Variants in AKNAD1 observed in about 807,000 individuals in gnomAD.
AKNAD1 encodes the protein AKNA domain containing 1.
A neutral mutation model predicts 90.8 loss-of-function variants in AKNAD1; 67 were observed. That is an observed-to-expected ratio of 0.74 (90% confidence interval 0.61 to 0.90). AKNAD1 has a LOEUF of 0.90. Among genes scored for constraint, AKNAD1 ranks in the 40% least tolerant of loss-of-function variants. The pLI, the probability that AKNAD1 is intolerant of heterozygous loss-of-function variation, is 0.00. For missense variants in AKNAD1, 957 were observed against 975.4 expected, an observed-to-expected ratio of 0.98 and a Z score of 0.25; for synonymous variants, 327 against 341.4, an observed-to-expected ratio of 0.96 and a Z score of 0.46.
intron 5 of AKNAD1, among the ~76,000 whole-genome samples, chr1:108,844,094 G>A (rs1015628287): frequency 2.0e-5 from 3 of 152,204 alleles, no homozygotes; most frequent in Non-Finnish European, 4.4e-5. Flanking sequence ...CAGGCACAGT[G>A]GCTCATGCCT....
intron 15 of AKNAD1, among the ~76,000 whole-genome samples, chr1:108,816,545 A>C (rs1663607732): frequency 6.6e-6 from 1 of 152,156 alleles, no homozygotes; most frequent in African/African-American, 2.4e-5. Context: ...TCAGAGGGTG[A>C]GGTCAGCCGC....
intron 11 of AKNAD1, 105 bp from the exon 12 acceptor site, chr1:108,823,793 A>C: frequency 2.6e-6 from 4 of 1,537,198 alleles, no homozygotes; most frequent in Non-Finnish European, 3.5e-6. Flanking sequence ...TGTGTTTGGC[A>C]CCAAAGTGCT....
chr1:108,852,912 T>A, intron 1 of AKNAD1, 145 bp from the exon 2 acceptor site: 1 of 338,236 alleles, frequency 3.0e-6, no homozygotes, highest in Non-Finnish European at 5.2e-6. Context: ...TGACCCAACC[T>A]CAATCCACAC....
chr1:108,831,840 G>A (rs562832155), intron 9 of AKNAD1, among the ~76,000 whole-genome samples: 14 of 151,990 alleles, frequency 9.2e-5, no homozygotes, highest in Non-Finnish European at 1.9e-4. Context: ...TGGCCGGGCT[G>A]GTCTTGAGCT....
rs143433407 is a variant in AKNAD1 at position 108,830,574 on chromosome 1, C to A, written c.1823G>T (p.Arg608Leu). ...AAGCCCTCACCATTCAAGGAGCCTGCGACAGAAGGCACAGCTCGGACTGGG... is the reference window on the plus strand; with the variant it reads ...AAGCCCTCACCATTCAAGGAGCCTGAGACAGAAGGCACAGCTCGGACTGGG... ...TAPSPSCAFC[R>L]RLLEWKQNVE... Residue 608 changes from arginine to leucine, a missense_variant, in exon 10 of 16, where the codon CGC becomes CTC. By Grantham distance (102) the Arg-to-Leu change is moderately radical. Transcript: ENST00000370001. 10 of 1,613,896 alleles carry A rather than the reference C, an allele frequency of 6.2e-6. No individual in the cohort carries two copies. The highest frequency in any genetic ancestry group is 8.5e-6 in the Non-Finnish European group (10 of 1,180,024).
chr1:108,848,978 T>C lies in AKNAD1; in HGVS notation c.1116A>G (p.Gln372=), dbSNP rs1461041264. 1.2e-6 allele frequency: 2 copies of C among 1,611,364 alleles called. No individual in the cohort carries two copies. Among genetic ancestry groups the C allele is most frequent in the East Asian group, 4.5e-5 (2 of 44,838 alleles). ...ACATCTGTTTCCCTTGGGATATCTT[T>C]TGAAATATGTAAGAAGAACTTGAGG... The part of the protein sequence containing the change: ...GTSSSSSYIF[Q]KISQGKQMCQ... The change falls in exon 4 of 16, where the codon CAA becomes CAG. Residue 372 remains glutamine, a synonymous_variant. Coordinates refer to ENST00000370001, the MANE Select transcript of AKNAD1 (RefSeq NM_152763.5).
intron 6 of AKNAD1, among the ~76,000 whole-genome samples, chr1:108,842,102 C>A (rs921674537): frequency 2.6e-5 from 4 of 151,814 alleles, no homozygotes; most frequent in Non-Finnish European, 5.9e-5. Flanking sequence ...CCTCTCCCCC[C>A]AAAAAAAGCC....
chr1:108,827,449 C>T (rs1664040712), intron 10 of AKNAD1, 147 bp from the exon 11 acceptor site: 1 of 613,348 alleles, frequency 1.6e-6, no homozygotes, highest in Non-Finnish European at 2.9e-6. Flanking sequence ...ACAGAGCTCT[C>T]CTCTGCCTGC....
At chr1:108,851,632 G>A in intron 2 of AKNAD1, 40 bp downstream of exon 2, 1 of 1,511,258 alleles carries the variant, frequency 6.6e-7, no homozygotes, top group Non-Finnish European at 8.8e-7. Context: ...GATAAGCAGT[G>A]GTCCCAATTA....
chr1:108,824,098 C>G (rs886863491), intron 11 of AKNAD1, among the ~76,000 whole-genome samples: 3 of 152,302 alleles, frequency 2.0e-5, no homozygotes, highest in Admixed American at 2.0e-4. Context: ...TTTTGTCATC[C>G]AGACAACTGG....
Position 108,848,896 on chromosome 1 carries a change from G to A in AKNAD1, c.1182+16C>T, listed in dbSNP as rs752574132. 6.3e-7 allele frequency: 1 copy of A among 1,599,210 alleles called. No individual in the cohort carries two copies. Among genetic ancestry groups the A allele is most frequent in the Non-Finnish European group, 8.5e-7 (1 of 1,175,480 alleles). ...TGGTTACTTATATTGTTTATAATAA[G>A]CTTTAAAAGTATTACTTTAGTCTTC... On this transcript the variant is annotated intron_variant, in intron 4 of 15. Transcript: ENST00000370001.
chr1:108,818,887 T>C (rs1663717250), intron 14 of AKNAD1, among the ~76,000 whole-genome samples: 1 of 139,598 alleles, frequency 7.2e-6, no homozygotes, highest in African/African-American at 2.7e-5. Flanking sequence ...CACTTGAACC[T>C]GGTGGGGCAG....
At chr1:108,831,949 CT>C (rs1664213197) in intron 9 of AKNAD1, among the ~76,000 whole-genome samples, 1 of 151,476 alleles carries the variant, frequency 6.6e-6, no homozygotes, top group African/African-American at 2.4e-5. Context: ...TTACTTGTGA[CT>C]TTTTAGCTCA....
intron 15 of AKNAD1, 87 bp from the exon 16 acceptor site, chr1:108,816,389 G>A (rs1663601625): frequency 7.1e-7 from 1 of 1,404,622 alleles, no homozygotes; most frequent in Admixed American, 2.3e-5. Flanking sequence ...AACATTACAA[G>A]GTGGAATTTG....
Position 108,817,136 on chromosome 1 carries a change from G to A in AKNAD1, c.2291C>T (p.Ala764Val), listed in dbSNP as rs1250652784. The change falls in exon 15 of 16, where the codon GCA becomes GTA. Residue 764 changes from alanine (A) to valine (V), a missense_variant. Transcript: ENST00000370001. ...QAFMTYSSDP[A>V]TPSPHFYSCR... ...GGAGTAGAAATGGGGTGAGGGTGTT[G>A]CAGGGTCTGAGCTGTAGGTCATGAA... is the stretch of plus-strand genomic sequence containing the variant. 6.2e-7 allele frequency: 1 copy of A among 1,614,146 alleles called. No homozygotes were observed. Among genetic ancestry groups the A allele is most frequent in the Non-Finnish European group, 8.5e-7 (1 of 1,180,014 alleles).
chr1:108,827,076 C>G (rs1664021848), intron 11 of AKNAD1, 129 bp downstream of exon 11: 2 of 695,254 alleles, frequency 2.9e-6, no homozygotes, highest in Non-Finnish European at 5.1e-6. Context: ...TAAATAAATA[C>G]AACATGCAAC....
At chr1:108,832,219 T>C (rs889664118) in intron 9 of AKNAD1, among the ~76,000 whole-genome samples, 1 of 146,810 alleles carries the variant, frequency 6.8e-6, no homozygotes, top group African/African-American at 2.5e-5. Context: ...TTCTTTTTTT[T>C]TTTTTTTTTT....
At chr1:108,845,753 G>A (rs1219178119) in intron 5 of AKNAD1, among the ~76,000 whole-genome samples, 2 of 152,192 alleles carry the variant, frequency 1.3e-5, no homozygotes, top group Non-Finnish European at 2.9e-5. Flanking sequence ...TAACAGGCTC[G>A]AAGATATTGA....
chr1:108,834,365 C>T, intron 9 of AKNAD1, 82 bp downstream of exon 9: 1 of 1,181,020 alleles, frequency 8.5e-7, no homozygotes, highest in Non-Finnish European at 1.2e-6. Flanking sequence ...GCCAATTTCA[C>T]AGTCACATTC....
Sources: allele counts gnomAD v4.1 joint callset (sites outside exome capture counted in the v4.1 genomes callset), GRCh38; gene constraint gnomAD v4.1.1; transcripts MANE v1.5; gene names NCBI Gene and HGNC (gene_info 2026-07-23, HGNC 2026-07-21).